The following ROBO2 variants were observed in gnomAD, a reference collection of about 807,000 sequenced individuals.
The protein encoded by ROBO2 is roundabout guidance receptor 2, also known as roundabout homolog 2.
A neutral mutation model predicts 160.8 loss-of-function variants in ROBO2; 53 were observed. That is an observed-to-expected ratio of 0.33 (90% confidence interval 0.26 to 0.41). The LOEUF is 0.41. ROBO2 is among the 10% of genes least tolerant of loss of function. The probability of loss-of-function intolerance (pLI) is 1.00; values close to 1 mark genes in which losing one functional copy is unlikely to be tolerated. For synonymous variants in ROBO2, 664 were observed against 611.7 expected (o/e 1.09, Z -1.26); for missense variants, 1,577 against 1,722.4 (o/e 0.92, Z 1.49).
chr3:77,149,705 A>C (rs2077395968), intron 2 of ROBO2, among the ~76,000 whole-genome samples: 1 of 152,204 alleles, frequency 6.6e-6, no homozygotes, highest in African/African-American at 2.4e-5. Flanking sequence ...CAACAGATTT[A>C]AGAATAGATG....
intron 2 of ROBO2, among the ~76,000 whole-genome samples, chr3:76,194,170 G>A (rs911100133): frequency 1.3e-5 from 2 of 151,282 alleles, no homozygotes; most frequent in Admixed American, 6.6e-5. Context: ...CATTATGGGG[G>A]TGTTTCTTCT....
At chr3:77,233,431 C>T (rs529246800) in intron 2 of ROBO2, among the ~76,000 whole-genome samples, 1 of 152,130 alleles carries the variant, frequency 6.6e-6, no homozygotes, top group African/African-American at 2.4e-5. Context: ...CTATTAGGCC[C>T]TGGTGACAGG....
intron 15 of ROBO2, among the ~76,000 whole-genome samples, chr3:77,579,517 C>T (rs955398424): frequency 1.3e-4 from 20 of 152,102 alleles, no homozygotes; most frequent in African/African-American, 4.1e-4. Flanking sequence ...AACTTATAAT[C>T]ACCATATTTT....
chr3:77,270,872 G>A (rs1366838154), intron 2 of ROBO2, among the ~76,000 whole-genome samples: 1 of 151,874 alleles, frequency 6.6e-6, no homozygotes, highest in Non-Finnish European at 1.5e-5. Context: ...GAACCTGGAA[G>A]GCGGAGCTTG....
At chr3:77,453,396 C>T (rs908241716) in intron 2 of ROBO2, among the ~76,000 whole-genome samples, 2 of 151,186 alleles carry the variant, frequency 1.3e-5, no homozygotes, top group Admixed American at 1.3e-4. Context: ...TCACTTCAAT[C>T]TCAATGGCTA....
At chr3:77,173,526 G>A (rs939956345) in intron 2 of ROBO2, among the ~76,000 whole-genome samples, 12 of 151,970 alleles carry the variant, frequency 7.9e-5, no homozygotes, top group Admixed American at 2.6e-4. Flanking sequence ...CATGTGTTGA[G>A]CTTTGCTTGG....
At position 76,792,647 on chromosome 3, in the gene ROBO2, A is replaced by G. The variant is rs76892742; in HGVS notation, c.110-305367A>G. Among the ~76,000 whole-genome samples the G allele has an allele frequency of 4.6e-5, 7 of 151,794 alleles. No individual in the cohort carries two copies. The East Asian group carries it at 1.2e-3, about 25-fold the overall frequency. On this transcript the variant is annotated intron_variant, in intron 2 of 26. Coordinates refer to the ROBO2 transcript ENST00000487694. ...TTGGAAAGTAGCTGTCACATTGCCT[A>G]TTTCACTATGTCTAAAATATAATTC...
At chr3:76,665,654 A>G (rs558578078) in intron 2 of ROBO2, among the ~76,000 whole-genome samples, 2 of 151,390 alleles carry the variant, frequency 1.3e-5, no homozygotes, top group Non-Finnish European at 2.9e-5. Flanking sequence ...AGCCTCTCCT[A>G]AGGAAGTTGC....
chr3:77,020,028 A>G (rs2062528697), intron 2 of ROBO2, among the ~76,000 whole-genome samples: 1 of 152,206 alleles, frequency 6.6e-6, no homozygotes, highest in Admixed American at 6.5e-5. Context: ...TATGCTTAGC[A>G]GAGCACATAC....
At position 76,934,793 on chromosome 3, in the gene ROBO2, A is replaced by G. The variant is rs191619440; in HGVS notation, c.110-163221A>G. 3.8e-3 allele frequency among the ~76,000 whole-genome samples: 575 copies of G among 152,276 alleles called. 5 individuals carry two copies. Among genetic ancestry groups the G allele is most frequent in the African/African-American group, 0.013 (554 of 41,564 alleles). On this transcript the variant is annotated intron_variant, in intron 2 of 26. Coordinates refer to the ROBO2 transcript ENST00000487694. ...CCTTAGTTTTAGAAGTAACAGGATT[A>G]CTAAGTATTACTTCACTAATTAGCT... is the stretch of plus-strand genomic sequence containing the variant.
chr3:76,145,719 G>A (rs1256469630), intron 2 of ROBO2, among the ~76,000 whole-genome samples: 1 of 151,962 alleles, frequency 6.6e-6, no homozygotes, highest in Non-Finnish European at 1.5e-5. Flanking sequence ...TCTTTGGGTA[G>A]AAGTTTACAT....
chr3:76,934,403 G>A (rs766576062), intron 2 of ROBO2, among the ~76,000 whole-genome samples: 4 of 151,742 alleles, frequency 2.6e-5, no homozygotes, highest in Non-Finnish European at 5.9e-5. Context: ...AGCTACAAGA[G>A]TAAAATGTTA....
intron 2 of ROBO2, among the ~76,000 whole-genome samples, chr3:77,436,659 A>G (rs2079322049): frequency 6.6e-6 from 1 of 151,900 alleles, no homozygotes; most frequent in Non-Finnish European, 1.5e-5. Context: ...ATAGAAACTA[A>G]TTTATGTGTA....
rs372439657 is a variant in ROBO2, at chr3:77,648,250, C to T, written c.*2195C>T. 24 of 152,238 alleles carry T rather than the reference C, an allele frequency of 1.6e-4. No individual in the cohort carries two copies. The highest frequency in any genetic ancestry group is 8.3e-4 in the South Asian group (4 of 4,826). The allele number at this position is 152,238 out of a possible 1,614,324, so 9.4% of individuals were successfully genotyped here. On this transcript the variant is annotated 3_prime_UTR_variant, in exon 26 of 26. Coordinates refer to ENST00000461745, the Ensembl canonical transcript of ROBO2. ...TTTCTATTTAAAGGCAAACAAATTT[C>T]GAAGAGGTTTTGTGTTCCCTCTTTA...
chr3:77,500,590 A>C (rs2087447859), intron 5 of ROBO2, among the ~76,000 whole-genome samples: 1 of 152,246 alleles, frequency 6.6e-6, no homozygotes, highest in Non-Finnish European at 1.5e-5. Flanking sequence ...AGCCACACAT[A>C]AAATGTCTTG....
At chr3:77,035,569 A>G (rs891374901), upstream of ROBO2, among the ~76,000 whole-genome samples, 6 of 152,100 alleles carry the variant, frequency 3.9e-5, no homozygotes, top group Middle Eastern at 0.01. Context: ...ATTCAGATTT[A>G]TAACTTCATG....
chr3:76,803,796 G>A lies in ROBO2; in HGVS notation c.110-294218G>A, dbSNP rs148320051. Among the ~76,000 whole-genome samples the A allele has an allele frequency of 4.4e-3, 672 of 152,248 alleles. 1 individual carries two copies. Among genetic ancestry groups the A allele is most frequent in the South Asian group, 0.023 (111 of 4,824 alleles). ...TATAAGTGCTTTTAACAACTTCCAG[G>A]AAATGTTAGGATGTCTAGAGGGAAT... is the stretch of plus-strand genomic sequence containing the variant. On this transcript the variant is annotated intron_variant, in intron 2 of 26. Coordinates refer to the ROBO2 transcript ENST00000487694.
intron 2 of ROBO2, among the ~76,000 whole-genome samples, chr3:76,494,621 A>G (rs1477888133): frequency 6.6e-6 from 1 of 152,164 alleles, no homozygotes; most frequent in Admixed American, 6.6e-5. Context: ...GTTCTCAGGA[A>G]GAAAAAGGGG....
At chr3:76,252,038 T>G (rs1278887798) in intron 2 of ROBO2, among the ~76,000 whole-genome samples, 1 of 151,998 alleles carries the variant, frequency 6.6e-6, no homozygotes, top group Non-Finnish European at 1.5e-5. Flanking sequence ...CTTATGGTGG[T>G]TTTAAATAAA....
Sources: allele counts gnomAD v4.1 joint callset (sites outside exome capture counted in the v4.1 genomes callset), GRCh38; gene constraint gnomAD v4.1.1; transcripts MANE v1.5; gene names NCBI Gene and HGNC (gene_info 2026-07-23, HGNC 2026-07-21).